The following ZNF267 variants were observed in gnomAD, a reference collection of about 807,000 sequenced individuals.
The protein encoded by ZNF267 is zinc finger protein 267, also known as zinc finger (C2H2).
In ZNF267, 61 loss-of-function variants were observed where a neutral mutation model predicts 71.6. The observed-to-expected ratio is 0.85, with a 90% confidence interval of 0.69 to 1.05. The LOEUF is 1.05. Among genes scored for constraint, ZNF267 ranks in the 50% least tolerant of loss-of-function variants. The pLI is 0.00. For synonymous variants in ZNF267, 288 were observed against 293.2 expected (o/e 0.98, Z 0.18); for missense variants, 852 against 870.0 (o/e 0.98, Z 0.26).
intron 3 of ZNF267, 80 bp from the exon 4 acceptor site, chr16:31,914,396 A>G (rs2084156483): frequency 2.3e-6 from 3 of 1,284,914 alleles, no homozygotes; most frequent in African/African-American, 1.5e-5. Context: ...TCAACTTAGC[A>G]TAATTTTGTA....
intron 3 of ZNF267, among the ~76,000 whole-genome samples, chr16:31,898,459 G>C (rs2084015795): frequency 6.6e-6 from 1 of 151,868 alleles, no homozygotes; most frequent in Admixed American, 6.6e-5. Flanking sequence ...TACTGAAAGG[G>C]AATGACATTG....
At chr16:31,886,074 G>A (rs2083922148) in intron 3 of ZNF267, among the ~76,000 whole-genome samples, 1 of 152,094 alleles carries the variant, frequency 6.6e-6, no homozygotes, top group South Asian at 2.1e-4. Flanking sequence ...TACTGAGAAT[G>A]TGTCCTTTAG....
chr16:31,873,985 CG>C lies in ZNF267; in HGVS notation c.3+21del, dbSNP rs770029610. The C allele has an allele frequency of 3.1e-6, 5 of 1,610,352 alleles. No homozygotes were observed. Among genetic ancestry groups the C allele is most frequent in the South Asian group, 1.1e-5 (1 of 90,842 alleles). ...CTGGGAAATGGTGAGTGTGCGGGGT[CG>C]GGGGTCCCCAGAGGGAGGGAGGGCG... is the stretch of plus-strand genomic sequence containing the variant. On this transcript the variant is annotated intron_variant, in intron 1 of 3. Transcript: ENST00000300870.
intron 3 of ZNF267, among the ~76,000 whole-genome samples, chr16:31,909,141 T>G (rs949455318): frequency 9.3e-5 from 13 of 139,466 alleles, no homozygotes; most frequent in Non-Finnish European, 2.0e-4. Context: ...TTTTTTTTTT[T>G]TTTTTGACGT....
intron 3 of ZNF267, among the ~76,000 whole-genome samples, chr16:31,911,548 G>T (rs2084135537): frequency 6.6e-6 from 1 of 151,304 alleles, no homozygotes; most frequent in Admixed American, 6.6e-5. Flanking sequence ...CAGTCTATGT[G>T]TATCTTTATA....
intron 1 of ZNF267, among the ~76,000 whole-genome samples, chr16:31,879,315 T>C (rs370648089): frequency 6.6e-6 from 1 of 152,234 alleles, no homozygotes; most frequent in Admixed American, 6.5e-5. Context: ...AGGTCTTCTA[T>C]TGAGGACTAA....
intron 1 of ZNF267, among the ~76,000 whole-genome samples, chr16:31,877,615 G>T (rs1312038956): frequency 6.6e-6 from 1 of 152,170 alleles, no homozygotes; most frequent in Non-Finnish European, 1.5e-5. Context: ...AGTTTATTCT[G>T]AACACTGAAG....
chr16:31,906,572 C>T lies in ZNF267; in HGVS notation c.227-7904C>T, dbSNP rs139224922. On this transcript the variant is annotated intron_variant, in intron 3 of 3. Coordinates refer to ENST00000300870, the MANE Select transcript of ZNF267 (RefSeq NM_003414.6). ...GAGACTCCGTGGGTGTAGGAACCTCCGAGCCAGGTGCGGGATATAATCTCC... is the reference window on the plus strand; with the variant it reads ...GAGACTCCGTGGGTGTAGGAACCTCTGAGCCAGGTGCGGGATATAATCTCC... Among the ~76,000 whole-genome samples, 40 of 152,272 alleles carry T rather than the reference C, an allele frequency of 2.6e-4. No homozygotes were observed. In the East Asian group the frequency reaches 4.5e-3, roughly 17 times the overall value.
chr16:31,914,929 A>T lies in ZNF267; in HGVS notation c.680A>T (p.Gln227Leu). The change falls in exon 4 of 4, where the codon CAA (glutamine) becomes CTA (leucine). Residue 227 changes from glutamine (Q) to leucine (L), a missense_variant. Physicochemically the swap from Gln to Leu is moderately radical, Grantham distance 113. Transcript: ENST00000300870. Reference protein sequence around the residue: ...HCNNSEKTLNQSSSPKNHQEN... With the variant: ...HCNNSEKTLNLSSSPKNHQEN... The stretch of plus-strand genomic sequence containing the variant: ...AATAATTCTGAAAAAACCTTGAACC[A>T]AAGCTCAAGCCCTAAAAATCATCAG... 1.2e-6 allele frequency: 2 copies of T among 1,611,498 alleles called. No individual in the cohort carries two copies. Among genetic ancestry groups the T allele is most frequent in the Non-Finnish European group, 8.5e-7 (1 of 1,179,272 alleles).
chr16:31,912,489 G>A (rs2084142709), intron 3 of ZNF267: 1 of 151,440 alleles, frequency 6.6e-6, no homozygotes, highest in African/African-American at 2.4e-5. Flanking sequence ...ATTTTTGGGA[G>A]TTTGATTATT....
intron 3 of ZNF267, among the ~76,000 whole-genome samples, chr16:31,908,087 A>G (rs2084106620): frequency 6.6e-6 from 1 of 152,124 alleles, no homozygotes; most frequent in East Asian, 1.9e-4. Context: ...AGGTGTGATG[A>G]TGCATGCCTG....
chr16:31,909,226 G>A (rs2084117343), intron 3 of ZNF267, among the ~76,000 whole-genome samples: 2 of 150,446 alleles, frequency 1.3e-5, no homozygotes, highest in African/African-American at 4.9e-5. Context: ...CCGCCTCCCG[G>A]GTTCAAGTGA....
At chr16:31,908,629 T>G (rs2084110305) in intron 3 of ZNF267, among the ~76,000 whole-genome samples, 1 of 152,022 alleles carries the variant, frequency 6.6e-6, no homozygotes, top group African/African-American at 2.4e-5. Flanking sequence ...TCTTCATATA[T>G]ATGGATATCC....
intron 1 of ZNF267, among the ~76,000 whole-genome samples, chr16:31,881,988 T>C (rs572351524): frequency 3.4e-4 from 52 of 152,302 alleles, no homozygotes; most frequent in African/African-American, 1.2e-3. Flanking sequence ...TGAACTAAAC[T>C]TGACTCCTTC....
chr16:31,914,693 T>G lies in ZNF267; in HGVS notation c.444T>G (p.Phe148Leu). The stretch of plus-strand genomic sequence containing the variant: ...ATGAATCCTCTGTTGAAAGTTTGTT[T>G]CACCAGCAAATACTTTCTTCTTGTG... Reference protein sequence around the residue: ...QFDESSVESLFHQQILSSCAK... With the variant: ...QFDESSVESLLHQQILSSCAK... Residue 148 changes from phenylalanine to leucine, a missense_variant, in exon 4 of 4, where the codon TTT (phenylalanine) becomes TTG (leucine). Phe to Leu is a conservative substitution (Grantham distance 22). Coordinates refer to ENST00000300870, the MANE Select transcript of ZNF267 (RefSeq NM_003414.6). 1 of 1,614,166 alleles carries G rather than the reference T, an allele frequency of 6.2e-7. No individual in the cohort carries two copies. The highest frequency in any genetic ancestry group is 8.5e-7 in the Non-Finnish European group (1 of 1,180,020).
intron 1 of ZNF267, among the ~76,000 whole-genome samples, chr16:31,879,673 C>A (rs1257978855): frequency 1.3e-5 from 2 of 152,166 alleles, no homozygotes; most frequent in African/African-American, 4.8e-5. Flanking sequence ...TACTTGGGAT[C>A]TTCAGTCGCT....
In ZNF267 at chr16:31,886,322, C is replaced by CTGGTCTG. The variant is rs577303145; in HGVS notation, c.226+1070_226+1076dup. Among the ~76,000 whole-genome samples, 28 of 152,254 alleles carry CTGGTCTG rather than the reference C, an allele frequency of 1.8e-4. No homozygotes were observed. The East Asian group carries it at 5.4e-3, about 29-fold the overall frequency. On this transcript the variant is annotated intron_variant, in intron 3 of 3. Coordinates refer to ENST00000300870, the MANE Select transcript of ZNF267 (RefSeq NM_003414.6). ...TACTGTAGTGCAGGGGTCTATAGTACTGGTCTGTGGCCTGTGAGGAATCCG... is the reference window on the plus strand; with the variant it reads ...TACTGTAGTGCAGGGGTCTATAGTACTGGTCTGTGGTCTGTGGCCTGTGAGGAATCCG...
At chr16:31,875,010 A>T in intron 1 of ZNF267, 5 of 703,930 alleles carry the variant, frequency 7.1e-6, no homozygotes, top group Admixed American at 2.6e-5. Flanking sequence ...ATTTCACGTG[A>T]GAGGAAAGCA....
Position 31,916,633 on chromosome 16 carries a change from T to G in ZNF267, c.*152T>G, listed in dbSNP as rs2084180748. The G allele has an allele frequency of 1.3e-6, 1 of 792,390 alleles. No individual in the cohort carries two copies. The highest frequency in any genetic ancestry group is 1.9e-6 in the Non-Finnish European group (1 of 517,614). The allele number at this position is 792,390 out of a possible 1,614,324, so 49.1% of individuals were successfully genotyped here. A position where few individuals can be genotyped will look rare whatever the true frequency, so the allele number is the denominator to read the frequency against. ...TTACACAATAGCAGAGAATATAAAC[T>G]GAAAAAATCCATACAAATATTAAAA... On this transcript the variant is annotated 3_prime_UTR_variant, in exon 4 of 4. Coordinates refer to ENST00000300870, the MANE Select transcript of ZNF267 (RefSeq NM_003414.6).
Sources: allele counts gnomAD v4.1 joint callset (sites outside exome capture counted in the v4.1 genomes callset), GRCh38; gene constraint gnomAD v4.1.1; transcripts MANE v1.5; gene names NCBI Gene and HGNC (gene_info 2026-07-23, HGNC 2026-07-21).